The following SMOX variants were observed in gnomAD, a reference collection of about 807,000 sequenced individuals.
SMOX encodes the protein flavin containing amine oxidase.
SMOX carries 22 observed loss-of-function variants against 51.0 expected under a neutral mutation model. The observed-to-expected ratio is 0.43, with a 90% CI of 0.31 to 0.62. The LOEUF (loss-of-function observed/expected upper bound fraction) is 0.62. Among genes scored for constraint, SMOX ranks in the 20% least tolerant of loss-of-function variants. The pLI is 0.10. For synonymous variants in SMOX, 282 were observed against 307.8 expected (o/e 0.92, Z 0.88); for missense variants, 566 against 777.7 (o/e 0.73, Z 3.24).
chr20:4,168,717 T>C (rs1986685822), intron 1 of SMOX, among the ~76,000 whole-genome samples: 1 of 151,766 alleles, frequency 6.6e-6, no homozygotes, highest in Non-Finnish European at 1.5e-5. Flanking sequence ...CCACCACGCT[T>C]GGCTAATTTT....
At chr20:4,180,743 T>A (rs1158277906) in intron 3 of SMOX, among the ~76,000 whole-genome samples, 1 of 152,180 alleles carries the variant, frequency 6.6e-6, no homozygotes, top group Non-Finnish European at 1.5e-5. Context: ...GAGGTTGCTG[T>A]TCCCTCTGCC....
At chr20:4,186,297 G>C (rs1401023371) in intron 6 of SMOX, among the ~76,000 whole-genome samples, 1 of 152,192 alleles carries the variant, frequency 6.6e-6, no homozygotes, top group Non-Finnish European at 1.5e-5. Flanking sequence ...AATAGAGTGA[G>C]ACACTGTCTC....
chr20:4,174,456 T>TG (rs1213984374), intron 1 of SMOX, among the ~76,000 whole-genome samples: 1 of 151,858 alleles, frequency 6.6e-6, no homozygotes, highest in South Asian at 2.1e-4. Context: ...GTGAGTATCC[T>TG]GGGGGGTCTG....
rs1986594596 is a variant in SMOX, at chr20:4,166,923, G to A, written c.-26-8107G>A. Among the ~76,000 whole-genome samples the A allele has an allele frequency of 6.6e-6, 1 of 152,210 alleles. No homozygotes were observed. The highest frequency in any genetic ancestry group is 2.4e-5 in the African/African-American group (1 of 41,442). On this transcript the variant is annotated intron_variant, in intron 1 of 6. Coordinates refer to ENST00000305958, the MANE Select transcript of SMOX (RefSeq NM_175839.3). The surrounding 1 kb of genome is among the most constrained non-coding windows in gnomAD (Gnocchi z 4.2). Reference sequence around the variant, plus strand: ...TTTATGATTTTAGGGAAGAAATGTGGGTAGCAATGACAATGTAATTGGAAA... The same window carrying A: ...TTTATGATTTTAGGGAAGAAATGTGAGTAGCAATGACAATGTAATTGGAAA...
At chr20:4,169,004 G>A (rs1039246229) in intron 1 of SMOX, among the ~76,000 whole-genome samples, 1 of 151,414 alleles carries the variant, frequency 6.6e-6, no homozygotes, top group African/African-American at 2.4e-5. Context: ...CTAGAGTGCT[G>A]TGGTGCTATC....
intron 3 of SMOX, among the ~76,000 whole-genome samples, chr20:4,178,770 G>GCCT (rs1244389069): frequency 6.7e-6 from 1 of 150,050 alleles, no homozygotes; most frequent in African/African-American, 2.5e-5. Flanking sequence ...CGCAACCTCC[G>GCCT]CCTCCCAGGT....
rs1018820332 is a variant in SMOX, at chr20:4,172,891, G to C, written c.-26-2139G>C. ...GCAATGGGCGGGGGAGGCACAAAGA[G>C]CAGCTTCTCAGCCTAAGCGTATTTC... On this transcript the variant is annotated intron_variant, in intron 1 of 6. Coordinates refer to ENST00000305958, the MANE Select transcript of SMOX (RefSeq NM_175839.3). The surrounding 1 kb of genome is among the most constrained non-coding windows in gnomAD (Gnocchi z 7.7). 1.3e-5 allele frequency among the ~76,000 whole-genome samples: 2 copies of C among 152,162 alleles called. No homozygotes were observed. Among genetic ancestry groups the C allele is most frequent in the Admixed American group, 6.5e-5 (1 of 15,278 alleles).
chr20:4,178,497 A>C (rs1304485618), intron 3 of SMOX, among the ~76,000 whole-genome samples: 1 of 152,028 alleles, frequency 6.6e-6, no homozygotes, highest in African/African-American at 2.4e-5. Flanking sequence ...TTTTATTCAG[A>C]TTTTTAAAAA....
Position 4,172,082 on chromosome 20 carries a change from C to T in SMOX, c.-26-2948C>T, listed in dbSNP as rs1978433397. Among the ~76,000 whole-genome samples, 3 of 152,208 alleles carry T rather than the reference C, an allele frequency of 2.0e-5. No homozygotes were observed. The highest frequency in any genetic ancestry group is 1.3e-4 in the Admixed American group (2 of 15,286). On this transcript the variant is annotated intron_variant, in intron 1 of 6. Coordinates refer to ENST00000305958, the MANE Select transcript of SMOX (RefSeq NM_175839.3). The surrounding 1 kb of genome is among the most constrained non-coding windows in gnomAD (Gnocchi z 7.7). ...GGGAGCCTGGGGTGAGGGGGACCCC[C>T]AGTTTAATACCTGCTACACCCTGAC...
rs1249739757 is a variant in SMOX, at chr20:4,177,679, A to G, written c.435+102A>G. ...CACACTCCCTGGGCCTTGCATTTGG[A>G]AAACCAGGATAATGTGAGGGTAAAA... On this transcript the variant is annotated intron_variant, in intron 3 of 6. Transcript: ENST00000305958. This position sits in a 1 kb window ranked among gnomAD's most constrained non-coding sequence, Gnocchi z 4.3. 1 of 1,070,874 alleles carries G rather than the reference A, an allele frequency of 9.3e-7. No homozygotes were observed. The highest frequency in any genetic ancestry group is 1.4e-6 in the Non-Finnish European group (1 of 740,450). 66.3% of individuals were successfully genotyped at this position (1,070,874 alleles called of 1,614,324 possible).
At position 4,183,165 on chromosome 20, in the gene SMOX, C is replaced by A; in HGVS notation, c.1369+317C>A. On this transcript the variant is annotated intron_variant, in intron 5 of 6. Transcript: ENST00000305958. This position sits in a 1 kb window ranked among gnomAD's most constrained non-coding sequence, Gnocchi z 4.3. Reference sequence around the variant, plus strand: ...TTTGCCTTTTACTCTCTGAGTCTTTCAGCTCAACATTTTTCACCCACTATT... The same window carrying A: ...TTTGCCTTTTACTCTCTGAGTCTTTAAGCTCAACATTTTTCACCCACTATT... The A allele has an allele frequency of 1.8e-6, 1 of 566,582 alleles. No homozygotes were observed. The highest frequency in any genetic ancestry group is 2.1e-5 in the South Asian group (1 of 46,872). 35.1% of individuals were successfully genotyped at this position (566,582 alleles called of 1,614,324 possible).
At position 4,181,672 on chromosome 20, in the gene SMOX, C is replaced by A; in HGVS notation, c.436-131C>A. On this transcript the variant is annotated intron_variant, in intron 3 of 6. Coordinates refer to ENST00000305958, the MANE Select transcript of SMOX (RefSeq NM_175839.3). This position sits in a 1 kb window ranked among gnomAD's most constrained non-coding sequence, Gnocchi z 5.6. ...CAGCATTGAGTGCAACATCGGATCC[C>A]TAAGGGACAGAGACCAGGGGCTCAG... 1 of 1,133,364 alleles carries A rather than the reference C, an allele frequency of 8.8e-7. No individual in the cohort carries two copies. Among genetic ancestry groups the A allele is most frequent in the Non-Finnish European group, 1.3e-6 (1 of 795,306 alleles). 70.2% of individuals were successfully genotyped at this position (1,133,364 alleles called of 1,614,324 possible).
chr20:4,161,955 G>A (rs2122429635), intron 1 of SMOX, among the ~76,000 whole-genome samples: 1 of 152,314 alleles, frequency 6.6e-6, no homozygotes, highest in African/African-American at 2.4e-5. Flanking sequence ...CCCCCCGCCT[G>A]CCCGGTGCCC....
intron 6 of SMOX, among the ~76,000 whole-genome samples, chr20:4,184,161 C>CTTT (rs11418906): frequency 7.3e-6 from 1 of 137,794 alleles, no homozygotes; most frequent in Non-Finnish European, 1.6e-5. Flanking sequence ...AATTTTTGTA[C>CTTT]TTTTTTTTTT....
intron 1 of SMOX, among the ~76,000 whole-genome samples, chr20:4,174,352 T>C (rs1448169049): frequency 6.6e-6 from 1 of 152,034 alleles, no homozygotes; most frequent in Non-Finnish European, 1.5e-5. Flanking sequence ...TTTGTGTGAA[T>C]ATCTTGGGGT....
At chr20:4,180,350 T>C (rs1979229235) in intron 3 of SMOX, among the ~76,000 whole-genome samples, 1 of 152,220 alleles carries the variant, frequency 6.6e-6, no homozygotes, top group African/African-American at 2.4e-5. Flanking sequence ...GCCATCTTCC[T>C]TCACCCTGTG....
Position 4,149,929 on chromosome 20 carries a change from A to T in SMOX, c.-27+952A>T, listed in dbSNP as rs1985649929. ...GTGCCATGCATCCGAAAGTGTGTGCAGTGAAGCCCCCACATTTGCATTCGG... is the reference window on the plus strand; with the variant it reads ...GTGCCATGCATCCGAAAGTGTGTGCTGTGAAGCCCCCACATTTGCATTCGG... On this transcript the variant is annotated intron_variant, in intron 1 of 6. Coordinates refer to ENST00000305958, the MANE Select transcript of SMOX (RefSeq NM_175839.3). The surrounding 1 kb of genome is among the most constrained non-coding windows in gnomAD (Gnocchi z 6.0). Among the ~76,000 whole-genome samples, 2 of 152,152 alleles carry T rather than the reference A, an allele frequency of 1.3e-5. No homozygotes were observed. Among genetic ancestry groups the T allele is most frequent in the South Asian group, 4.1e-4 (2 of 4,830 alleles).
At position 4,183,143 on chromosome 20, in the gene SMOX, G is replaced by A; in HGVS notation, c.1369+295G>A. On this transcript the variant is annotated intron_variant, in intron 5 of 6. Transcript: ENST00000305958. The surrounding 1 kb of genome is among the most constrained non-coding windows in gnomAD (Gnocchi z 4.3). ...TGCTCTGTTGCTAAGAGCTGGATTT[G>A]CCTTTTACTCTCTGAGTCTTTCAGC... is the stretch of plus-strand genomic sequence containing the variant. 3 of 575,622 alleles carry A rather than the reference G, an allele frequency of 5.2e-6. No homozygotes were observed. The highest frequency in any genetic ancestry group is 6.1e-6 in the Non-Finnish European group (2 of 326,960). 35.7% of individuals were successfully genotyped at this position (575,622 alleles called of 1,614,324 possible). A position where few individuals can be genotyped will look rare whatever the true frequency, so the allele number is the denominator to read the frequency against.
chr20:4,176,957 G>A (rs1291646628), intron 2 of SMOX, among the ~76,000 whole-genome samples: 1 of 152,172 alleles, frequency 6.6e-6, no homozygotes, highest in Non-Finnish European at 1.5e-5. Flanking sequence ...CACTGGGGAT[G>A]TTGAAGAATT....
Sources: allele counts gnomAD v4.1 joint callset (sites outside exome capture counted in the v4.1 genomes callset), GRCh38; gene constraint gnomAD v4.1.1; non-coding constraint Gnocchi (gnomAD v3.1); transcripts MANE v1.5; gene names NCBI Gene and HGNC (gene_info 2026-07-23, HGNC 2026-07-21).